ILRUN: variants seen among roughly 807,000 people sequenced by gnomAD.
ILRUN encodes inflammation and lipid regulator with UBA-like and NBR1-like domains.
ILRUN carries 3 observed loss-of-function variants against 33.8 expected under a neutral mutation model. That is an observed-to-expected ratio of 0.09 (90% CI 0.04 to 0.23). The LOEUF (loss-of-function observed/expected upper bound fraction) is 0.23. Among genes scored for constraint, ILRUN ranks in the 10% least tolerant of loss-of-function variants. ILRUN has a pLI of 1.00. For missense variants in ILRUN, 210 were observed against 375.1 expected, an observed-to-expected ratio of 0.56 and a Z score of 3.64; for synonymous variants, 124 against 138.9, an observed-to-expected ratio of 0.89 and a Z score of 0.75.
rs139606906 is a variant in ILRUN at position 34,690,852 on chromosome 6, T to C, written c.158+5594A>G. On this transcript the variant is annotated intron_variant, in intron 1 of 4. Coordinates refer to ENST00000374023, the MANE Select transcript of ILRUN (RefSeq NM_024294.4). ...AAGGTATCATGCAAATCTCTGCCCG[T>C]AGGGATACAAGAATAGGACAGATGG... Among the ~76,000 whole-genome samples the C allele has an allele frequency of 2.0e-3, 312 of 152,226 alleles. 2 individuals carry two copies. The highest frequency in any genetic ancestry group is 5.8e-3 in the African/African-American group (239 of 41,536).
At chr6:34,657,138 C>A (rs930635306) in intron 1 of ILRUN, among the ~76,000 whole-genome samples, 3 of 152,174 alleles carry the variant, frequency 2.0e-5, no homozygotes, top group African/African-American at 7.2e-5. Context: ...GCAATTTGCT[C>A]TTTTGAAAAC....
At chr6:34,692,512 C>T (rs1179143210) in intron 1 of ILRUN, among the ~76,000 whole-genome samples, 1 of 152,090 alleles carries the variant, frequency 6.6e-6, no homozygotes, top group Non-Finnish European at 1.5e-5. Flanking sequence ...ATGCGTAGAA[C>T]AACACGTCTA....
At chr6:34,680,045 G>C (rs950275108) in intron 1 of ILRUN, among the ~76,000 whole-genome samples, 3 of 152,256 alleles carry the variant, frequency 2.0e-5, no homozygotes, top group Non-Finnish European at 2.9e-5. Flanking sequence ...CACCCAGTTT[G>C]TGTTGTTTCT....
intron 4 of ILRUN, among the ~76,000 whole-genome samples, 160 bp from the exon 5 acceptor site, chr6:34,590,760 G>GA: frequency 6.6e-6 from 1 of 152,178 alleles, no homozygotes; most frequent in East Asian, 1.9e-4. Flanking sequence ...GCAGGCCAAA[G>GA]ATCAGTACAT....
Position 34,680,293 on chromosome 6 carries a change from T to A in ILRUN, c.158+16153A>T, listed in dbSNP as rs138991629. The stretch of plus-strand genomic sequence containing the variant: ...TCTAGAATATAGTAAATGCCCCACT[T>A]TTATAAAGCAAGCACAAGTACAACA... On this transcript the variant is annotated intron_variant, in intron 1 of 4. Transcript: ENST00000374023. 2.3e-3 allele frequency among the ~76,000 whole-genome samples: 345 copies of A among 152,314 alleles called. 1 individual carries two copies. Among genetic ancestry groups the A allele is most frequent in the African/African-American group, 7.8e-3 (323 of 41,568 alleles).
chr6:34,626,274 C>A (rs893692292), intron 3 of ILRUN, among the ~76,000 whole-genome samples: 4 of 152,084 alleles, frequency 2.6e-5, no homozygotes, highest in Admixed American at 2.6e-4. Context: ...TGAGCTCAAA[C>A]AATCTTCCCA....
intron 3 of ILRUN, among the ~76,000 whole-genome samples, chr6:34,612,576 G>C (rs1191671381): frequency 2.3e-4 from 35 of 152,260 alleles, no homozygotes; most frequent in Non-Finnish European, 8.8e-5. Flanking sequence ...TTACTAAAGA[G>C]AAAACATAGC....
intron 4 of ILRUN, among the ~76,000 whole-genome samples, chr6:34,602,886 G>T (rs969447895): frequency 6.6e-6 from 1 of 152,198 alleles, no homozygotes; most frequent in Non-Finnish European, 1.5e-5. Context: ...GGGAGCTTAC[G>T]ATTCAAGAAC....
At chr6:34,614,148 T>A (rs932135285) in intron 3 of ILRUN, among the ~76,000 whole-genome samples, 1 of 152,022 alleles carries the variant, frequency 6.6e-6, no homozygotes, top group Non-Finnish European at 1.5e-5. Context: ...CCTGGCTGGG[T>A]GCGGTGGCTC....
In ILRUN at chr6:34,646,111, TGAA is replaced by T. The variant is rs1242862981; in HGVS notation, c.511+487_511+489del. Among the ~76,000 whole-genome samples, 1 of 152,138 alleles carries T rather than the reference TGAA, an allele frequency of 6.6e-6. No individual in the cohort carries two copies. The highest frequency in any genetic ancestry group is 1.5e-5 in the Non-Finnish European group (1 of 68,024). ...GGAGTGGATAAAGGATAAATTGGGT[TGAA>T]GAGTGAATGGAAAATGTGAAAGAAG... On this transcript the variant is annotated intron_variant, in intron 3 of 4. Transcript: ENST00000374023. This position sits in a 1 kb window ranked among gnomAD's most constrained non-coding sequence, Gnocchi z 4.9.
Position 34,666,818 on chromosome 6 carries a change from A to C in ILRUN, c.159-12039T>G, listed in dbSNP as rs560474597. On this transcript the variant is annotated intron_variant, in intron 1 of 4. Coordinates refer to ENST00000374023, the MANE Select transcript of ILRUN (RefSeq NM_024294.4). ...TAAAAGTCCTGTTGTACTTGCAAAC[A>C]ATCTCACGTATTCTGTTAATGTTTT... 8.2e-4 allele frequency among the ~76,000 whole-genome samples: 125 copies of C among 152,326 alleles called. No homozygotes were observed. The South Asian group carries it at 8.3e-3, about 10-fold the overall frequency.
intron 1 of ILRUN, among the ~76,000 whole-genome samples, chr6:34,660,631 CAAG>C (rs1762869051): frequency 6.6e-6 from 1 of 152,034 alleles, no homozygotes; most frequent in Admixed American, 6.6e-5. Flanking sequence ...CACCAAGAAT[CAAG>C]AAGACCTTAC....
chr6:34,695,702 A>G (rs1419887612), intron 1 of ILRUN, among the ~76,000 whole-genome samples: 2 of 150,126 alleles, frequency 1.3e-5, no homozygotes, highest in East Asian at 2.0e-4. Flanking sequence ...TTCCCCCAAG[A>G]TCATCTCATT....
At position 34,627,831 on chromosome 6, in the gene ILRUN, G is replaced by A. The variant is rs144600015; in HGVS notation, c.511+18770C>T. ...CTATTCTCCTTCCTCAGCCTCCCGA[G>A]TAGCTAGGATTACAGACATGCACCA... On this transcript the variant is annotated intron_variant, in intron 3 of 4. Coordinates refer to ENST00000374023, the MANE Select transcript of ILRUN (RefSeq NM_024294.4). Among the ~76,000 whole-genome samples the A allele has an allele frequency of 9.8e-4, 149 of 151,776 alleles. 4 individuals carry two copies. The East Asian group carries it at 0.023, about 23-fold the overall frequency.
At position 34,683,423 on chromosome 6, in the gene ILRUN, TA is replaced by T. The variant is rs769254719; in HGVS notation, c.158+13022del. On this transcript the variant is annotated intron_variant, in intron 1 of 4. Coordinates refer to ENST00000374023, the MANE Select transcript of ILRUN (RefSeq NM_024294.4). ...ACATATATACATATATATATACATATATATACATATATATATACATATATAT... is the reference window on the plus strand; with the variant it reads ...ACATATATACATATATATATACATATTATACATATATATATACATATATAT... Among the ~76,000 whole-genome samples the T allele has an allele frequency of 1.5e-4, 10 of 67,100 alleles. 1 individual carries two copies. The highest frequency in any genetic ancestry group is 6.8e-4 in the South Asian group (2 of 2,924). 44.0% of individuals were successfully genotyped at this position (67,100 alleles called of 152,430 possible). A position where few individuals can be genotyped will look rare whatever the true frequency, so the allele number is the denominator to read the frequency against.
rs75568010 is a variant in ILRUN, at chr6:34,597,830, G to A, written c.862-7230C>T. Among the ~76,000 whole-genome samples, 3 of 152,288 alleles carry A rather than the reference G, an allele frequency of 2.0e-5. No individual in the cohort carries two copies. The East Asian group carries it at 5.8e-4, about 29-fold the overall frequency. ...TCACTCACCGCAGCCAAGCTGGCCA[G>A]TGTCCTGTGAACACACCCTGCCTGT... On this transcript the variant is annotated intron_variant, in intron 4 of 4. Coordinates refer to ENST00000374023, the MANE Select transcript of ILRUN (RefSeq NM_024294.4).
chr6:34,648,724 T>C (rs564825340), intron 2 of ILRUN, among the ~76,000 whole-genome samples: 88 of 152,280 alleles, frequency 5.8e-4, no homozygotes, highest in African/African-American at 2.0e-3. Context: ...AAAGAAAAAT[T>C]ATACTACTAT....
intron 1 of ILRUN, among the ~76,000 whole-genome samples, chr6:34,668,647 T>C (rs993929929): frequency 5.9e-5 from 9 of 152,128 alleles, no homozygotes; most frequent in Non-Finnish European, 4.4e-5. Flanking sequence ...CCAAGACGCC[T>C]TCAGAGGCTA....
At chr6:34,651,373 C>T (rs556503236) in intron 2 of ILRUN, among the ~76,000 whole-genome samples, 3 of 152,058 alleles carry the variant, frequency 2.0e-5, no homozygotes, top group African/African-American at 7.2e-5. Flanking sequence ...AGCAGTCAGG[C>T]CCACCAAGAG....
Sources: allele counts gnomAD v4.1 joint callset (sites outside exome capture counted in the v4.1 genomes callset), GRCh38; gene constraint gnomAD v4.1.1; non-coding constraint Gnocchi (gnomAD v3.1); transcripts MANE v1.5; gene names NCBI Gene and HGNC (gene_info 2026-07-23, HGNC 2026-07-21).